GRIP1: variants seen among roughly 807,000 people sequenced by gnomAD.
GRIP1 encodes the protein glutamate receptor interacting protein 1.
Under a neutral mutation model 129.9 loss-of-function variants are expected in GRIP1, and 45 were observed. The observed-to-expected ratio is 0.35, with a 90% CI of 0.27 to 0.44. GRIP1 has a LOEUF of 0.44. GRIP1 is among the 20% of genes least tolerant of loss of function. The pLI, the probability that GRIP1 is intolerant of heterozygous loss-of-function variation, is 1.00. For synonymous variants in GRIP1, 530 were observed against 520.8 expected, an observed-to-expected ratio of 1.02 and a Z score of -0.24; for missense variants, 1,196 against 1,396.8, an observed-to-expected ratio of 0.86 and a Z score of 2.29.
chr12:66,577,195 G>A (rs2063167081), intron 2 of GRIP1, among the ~76,000 whole-genome samples: 1 of 152,196 alleles, frequency 6.6e-6, no homozygotes, highest in South Asian at 2.1e-4. Flanking sequence ...ATGTATTCAA[G>A]TATCTGAATG....
intron 1 of GRIP1, among the ~76,000 whole-genome samples, chr12:66,672,744 T>C (rs2034140996): frequency 6.6e-6 from 1 of 152,174 alleles, no homozygotes; most frequent in South Asian, 2.1e-4. Context: ...TCAAATTATA[T>C]ATTTTCCGCC....
chr12:66,405,098 G>A (rs762655267), intron 16 of GRIP1, among the ~76,000 whole-genome samples: 1 of 152,110 alleles, frequency 6.6e-6, no homozygotes, highest in Non-Finnish European at 1.5e-5. Context: ...TACAACATTG[G>A]GGAAAACCAA....
At chr12:67,003,726 A>T (rs923906269) in intron 1 of GRIP1, among the ~76,000 whole-genome samples, 4 of 151,822 alleles carry the variant, frequency 2.6e-5, no homozygotes, top group African/African-American at 7.3e-5. Context: ...AAAAATAAAT[A>T]AAAAAATAAA....
intron 1 of GRIP1, among the ~76,000 whole-genome samples, chr12:66,623,811 C>G (rs572228635): frequency 6.6e-6 from 1 of 152,136 alleles, no homozygotes; most frequent in Non-Finnish European, 1.5e-5. Context: ...TCAATTTGAT[C>G]AATGTACTCA....
At chr12:66,657,479 A>G (rs891061887) in intron 1 of GRIP1, among the ~76,000 whole-genome samples, 3 of 152,144 alleles carry the variant, frequency 2.0e-5, no homozygotes, top group African/African-American at 7.2e-5. Context: ...TCCTAAACTG[A>G]GCCTCTATTC....
intron 1 of GRIP1, among the ~76,000 whole-genome samples, chr12:66,989,186 T>G (rs2042358184): frequency 2.6e-5 from 4 of 152,294 alleles, no homozygotes; most frequent in Admixed American, 2.6e-4. Context: ...CCAACCAAAG[T>G]TCTAACATTT....
chr12:66,883,709 G>A (rs561715606), intron 1 of GRIP1, among the ~76,000 whole-genome samples: 19 of 152,280 alleles, frequency 1.2e-4, no homozygotes, highest in South Asian at 2.1e-4. Flanking sequence ...CTGTCATCCC[G>A]ATGTAAATAG....
At chr12:66,523,710 T>C (rs1266913781) in intron 5 of GRIP1, among the ~76,000 whole-genome samples, 1 of 151,776 alleles carries the variant, frequency 6.6e-6, no homozygotes, top group Non-Finnish European at 1.5e-5. Flanking sequence ...GGCTAAAAGC[T>C]CCAATTAGAA....
chr12:67,014,343 T>A (rs958833010), intron 1 of GRIP1, among the ~76,000 whole-genome samples: 5 of 152,142 alleles, frequency 3.3e-5, no homozygotes, highest in Admixed American at 6.6e-5. Flanking sequence ...TGAGCACCTG[T>A]ATCATAACTG....
At chr12:66,366,192 T>C (rs934486247) in intron 23 of GRIP1, among the ~76,000 whole-genome samples, 3 of 152,244 alleles carry the variant, frequency 2.0e-5, no homozygotes, top group South Asian at 2.1e-4. Flanking sequence ...TGAGGATTCA[T>C]TTGATCTTGA....
upstream of GRIP1, among the ~76,000 whole-genome samples, chr12:66,683,107 C>T (rs1039243752): frequency 2.0e-5 from 3 of 151,800 alleles, no homozygotes; most frequent in Non-Finnish European, 2.9e-5. Context: ...CCAAATCTTC[C>T]GGGTATTTTA....
chr12:66,871,079 G>A (rs1396874208), intron 1 of GRIP1, among the ~76,000 whole-genome samples: 1 of 152,062 alleles, frequency 6.6e-6, no homozygotes, highest in East Asian at 1.9e-4. Context: ...GAAAATCTCA[G>A]CACTGATGTG....
chr12:66,723,159 A>T (rs567810398), intron 1 of GRIP1, among the ~76,000 whole-genome samples: 1 of 150,106 alleles, frequency 6.7e-6, no homozygotes, highest in African/African-American at 2.4e-5. Flanking sequence ...AATCAGTTGC[A>T]TTTATACACA....
chr12:66,957,589 C>A (rs540883338), intron 1 of GRIP1, among the ~76,000 whole-genome samples: 15 of 152,118 alleles, frequency 9.9e-5, no homozygotes, highest in African/African-American at 3.6e-4. Context: ...ACAGGTCAGG[C>A]ATTTTGCAAA....
At chr12:66,403,900 T>C (rs975572036) in intron 16 of GRIP1, among the ~76,000 whole-genome samples, 2 of 152,198 alleles carry the variant, frequency 1.3e-5, no homozygotes, top group South Asian at 2.1e-4. Flanking sequence ...ACTGGGTGCA[T>C]TGCCAGCTGT....
upstream of GRIP1, among the ~76,000 whole-genome samples, chr12:66,683,136 G>T (rs778414224): frequency 1.3e-5 from 2 of 151,788 alleles, no homozygotes; most frequent in Non-Finnish European, 2.9e-5. Flanking sequence ...TGTTCTCGGA[G>T]GTCTTAAAAT....
intron 2 of GRIP1, among the ~76,000 whole-genome samples, chr12:66,556,067 C>T (rs1184350828): frequency 2.0e-5 from 3 of 151,884 alleles, no homozygotes; most frequent in African/African-American, 7.3e-5. Flanking sequence ...TATTTAAGTA[C>T]AAAAAGGTTA....
chr12:66,381,569 G>A (rs2056110427), intron 19 of GRIP1, among the ~76,000 whole-genome samples: 1 of 152,170 alleles, frequency 6.6e-6, no homozygotes, highest in South Asian at 2.1e-4. Context: ...GTGTCTTCCT[G>A]GAGTATCCTT....
chr12:66,517,484 C>T (rs893010479), intron 6 of GRIP1, among the ~76,000 whole-genome samples: 10 of 152,108 alleles, frequency 6.6e-5, no homozygotes, highest in African/African-American at 9.7e-5. Flanking sequence ...ACCACCACCA[C>T]CTATCTGTCC....
Sources: gnomAD v4.1 joint callset for allele counts (sites outside exome capture counted in the v4.1 genomes callset) on GRCh38, gnomAD v4.1.1 for gene constraint, MANE v1.5 for transcripts, NCBI Gene and HGNC (gene_info 2026-07-23, HGNC 2026-07-21) for gene names.